Variants in PREX1 observed in about 807,000 individuals in gnomAD.
PREX1 encodes phosphatidylinositol 3,4,5-trisphosphate-dependent Rac exchanger 1 protein.
PREX1 carries 41 observed loss-of-function variants against 198.3 expected under a neutral mutation model. That is an observed-to-expected ratio of 0.21 (90% CI 0.16 to 0.27). PREX1 has a LOEUF of 0.27. PREX1 is among the 10% of genes least tolerant of loss of function. PREX1 has a pLI of 1.00. For synonymous variants in PREX1, 843 were observed against 887.2 expected, an observed-to-expected ratio of 0.95 and a Z score of 0.89; for missense variants, 1,620 against 2,200.7, an observed-to-expected ratio of 0.74 and a Z score of 5.28.
the PREX1 span, among the ~76,000 whole-genome samples, chr20:48,882,231 G>A: frequency 3.4e-3 from 521 of 152,026 alleles, 6 homozygotes; most frequent in African/African-American, 0.012. Flanking sequence ...TGCTGGGCGC[G>A]GTGGCTCACG....
intron 10 of PREX1, among the ~76,000 whole-genome samples, chr20:48,682,963 T>G (rs1438399767): frequency 6.6e-6 from 1 of 152,118 alleles, no homozygotes; most frequent in Admixed American, 6.6e-5. Flanking sequence ...ACCTGCCTGG[T>G]GTGTAGGTAG....
intron 4 of PREX1, among the ~76,000 whole-genome samples, chr20:48,732,347 T>G (rs919367828): frequency 1.2e-4 from 18 of 151,686 alleles, no homozygotes; most frequent in Non-Finnish European, 2.6e-4. Context: ...ACTACTTTGT[T>G]GGAGACTGAG....
chr20:48,708,184 G>T, intron 6 of PREX1, 76 bp downstream of exon 6: 1 of 1,481,164 alleles, frequency 6.8e-7, no homozygotes. Flanking sequence ...AGGTGCCCAG[G>T]CCTCAGTTCA....
At chr20:48,733,864 C>G (rs999556907) in intron 4 of PREX1, among the ~76,000 whole-genome samples, 1 of 152,170 alleles carries the variant, frequency 6.6e-6, no homozygotes, top group African/African-American at 2.4e-5. Flanking sequence ...AATTCTCCTG[C>G]TTCAGCCTCC....
At chr20:48,719,870 C>T (rs1170656914) in intron 5 of PREX1, among the ~76,000 whole-genome samples, 1 of 152,144 alleles carries the variant, frequency 6.6e-6, no homozygotes. Context: ...AGGCAGATCC[C>T]ATTCCTCCCT....
the PREX1 span, among the ~76,000 whole-genome samples, chr20:48,870,950 CA>C: frequency 1.7e-3 from 1 of 594 alleles, no homozygotes; most frequent in African/African-American, 0.025. Flanking sequence ...GACTCCATCT[CA>C]AAAAAAAAAA....
intron 1 of PREX1, chr20:48,821,782 AG>A (rs971841357): frequency 2.0e-5 from 3 of 152,236 alleles, no homozygotes; most frequent in Non-Finnish European, 1.5e-5. Context: ...TCTCCAAGAA[AG>A]GGGTGCCCTG....
intron 25 of PREX1, among the ~76,000 whole-genome samples, chr20:48,646,922 C>T (rs560531260): frequency 6.6e-6 from 1 of 152,296 alleles, no homozygotes; most frequent in South Asian, 2.1e-4. Flanking sequence ...ATATCTTAGG[C>T]TTCTGTGACA....
intron 1 of PREX1, among the ~76,000 whole-genome samples, chr20:48,753,602 TA>T (rs2090143521): frequency 6.6e-6 from 1 of 152,004 alleles, no homozygotes; most frequent in Admixed American, 6.6e-5. Flanking sequence ...AGGCTCTAAT[TA>T]AAACCTAGAA....
At chr20:48,753,072 G>A (rs1009967285) in intron 1 of PREX1, among the ~76,000 whole-genome samples, 1 of 152,144 alleles carries the variant, frequency 6.6e-6, no homozygotes, top group Non-Finnish European at 1.5e-5. Context: ...TGGGGCATAA[G>A]AGAAGGACCA....
intron 13 of PREX1, among the ~76,000 whole-genome samples, chr20:48,677,180 T>C (rs1324827706): frequency 3.3e-5 from 5 of 152,204 alleles, no homozygotes; most frequent in African/African-American, 7.2e-5. Context: ...CCCCAGCCGC[T>C]TCCTTCTTTG....
At position 48,764,023 on chromosome 20, in the gene PREX1, G is replaced by A. The variant is rs113751491; in HGVS notation, c.220-16143C>T. On this transcript the variant is annotated intron_variant, in intron 1 of 39. Coordinates refer to ENST00000371941, the MANE Select transcript of PREX1 (RefSeq NM_020820.4). ...GCAGACAAAGCTGGCCTCTGACCTC[G>A]GGGCCATCAGAGTCCAGGCTCTGAC... is the stretch of plus-strand genomic sequence containing the variant. 4.3e-3 allele frequency among the ~76,000 whole-genome samples: 659 copies of A among 152,272 alleles called. 3 individuals carry two copies. The highest frequency in any genetic ancestry group is 0.015 in the African/African-American group (613 of 41,550).
intron 15 of PREX1, among the ~76,000 whole-genome samples, chr20:48,664,926 CCGACTCCAGA>C (rs1601058866): frequency 6.6e-6 from 1 of 150,524 alleles, no homozygotes; most frequent in African/African-American, 2.4e-5. Flanking sequence ...AATTCTAATC[CCGACTCCAGA>C]CGGCCTGAAT....
intron 1 of PREX1, among the ~76,000 whole-genome samples, chr20:48,790,358 G>A (rs2090332606): frequency 6.6e-6 from 1 of 152,000 alleles, no homozygotes; most frequent in African/African-American, 2.4e-5. Flanking sequence ...CAAGTTCCAC[G>A]AGCCTCCCCC....
intron 6 of PREX1, among the ~76,000 whole-genome samples, chr20:48,705,198 T>A (rs1287862960): frequency 1.3e-5 from 2 of 152,200 alleles, no homozygotes; most frequent in Non-Finnish European, 2.9e-5. Flanking sequence ...GGCAAAGGAA[T>A]CTCTCCCCAC....
chr20:48,682,642 G>A (rs1174515228), intron 10 of PREX1, among the ~76,000 whole-genome samples: 1 of 152,232 alleles, frequency 6.6e-6, no homozygotes. Flanking sequence ...CCAGGCCAGA[G>A]GAAGACAGGC....
the PREX1 span, among the ~76,000 whole-genome samples, chr20:48,849,058 T>G: frequency 6.6e-6 from 1 of 150,920 alleles, no homozygotes; most frequent in African/African-American, 2.4e-5. Flanking sequence ...ACTGTGCCAC[T>G]GCACTCCAGC....
chr20:48,734,742 G>C, intron 3 of PREX1, 92 bp from the exon 4 acceptor site: 4 of 1,091,470 alleles, frequency 3.7e-6, no homozygotes, highest in Non-Finnish European at 5.6e-6. Flanking sequence ...TAGGGTAGGG[G>C]TAAGGACTAC....
At chr20:48,644,610 G>C (rs953956558) in intron 26 of PREX1, 113 bp from the exon 27 acceptor site, 3 of 933,108 alleles carry the variant, frequency 3.2e-6, no homozygotes, top group Non-Finnish European at 4.8e-6. Flanking sequence ...CCTCAGGTGG[G>C]CGTGCAGCCC....
Sources: gnomAD v4.1 joint callset for allele counts (sites outside exome capture counted in the v4.1 genomes callset) on GRCh38, gnomAD v4.1.1 for gene constraint, MANE v1.5 for transcripts, NCBI Gene and HGNC (gene_info 2026-07-23, HGNC 2026-07-21) for gene names.